Variants in ALDH9A1 observed in about 807,000 individuals in gnomAD.
The protein encoded by ALDH9A1 is aldehyde dehydrogenase 9 family member A1, also known as 4-trimethylaminobutyraldehyde dehydrogenase.
ALDH9A1 carries 42 observed loss-of-function variants against 56.6 expected under a neutral mutation model. The observed-to-expected ratio is 0.74, with a 90% CI of 0.58 to 0.96. The LOEUF is 0.96. Ranked by LOEUF, ALDH9A1 falls within the 40% of genes least tolerant of loss-of-function variation. The pLI is 0.00. For synonymous variants in ALDH9A1, 242 were observed against 236.0 expected (o/e 1.03, Z -0.23); for missense variants, 661 against 651.5 (o/e 1.01, Z -0.16).
chr1:165,678,831 T>C (rs1649451477), intron 6 of ALDH9A1, among the ~76,000 whole-genome samples: 1 of 152,118 alleles, frequency 6.6e-6, no homozygotes, highest in Admixed American at 6.6e-5. Context: ...CTAAGGAACA[T>C]TCTACAAAAT....
intron 6 of ALDH9A1, 106 bp from the exon 7 acceptor site, chr1:165,669,556 A>G (rs1435646653): frequency 2.0e-6 from 2 of 987,552 alleles, no homozygotes; most frequent in Non-Finnish European, 2.8e-6. Context: ...GAGACACTAT[A>G]CATTTTTTAA....
intron 6 of ALDH9A1, among the ~76,000 whole-genome samples, chr1:165,677,350 C>T (rs1051687182): frequency 6.6e-6 from 1 of 152,218 alleles, no homozygotes; most frequent in South Asian, 2.1e-4. Context: ...CAGAGCAGGA[C>T]CCTGTCTCAA....
At chr1:165,678,761 T>C (rs955459800) in intron 6 of ALDH9A1, among the ~76,000 whole-genome samples, 3 of 152,166 alleles carry the variant, frequency 2.0e-5, no homozygotes, top group Admixed American at 6.5e-5. Context: ...ATCATGTTTG[T>C]GGTATTTTTG....
chr1:165,685,291 G>C (rs1374779193), intron 2 of ALDH9A1, among the ~76,000 whole-genome samples: 2 of 152,106 alleles, frequency 1.3e-5, no homozygotes, highest in African/African-American at 4.8e-5. Context: ...CTTTCACTTC[G>C]AACCCCTCAG....
At chr1:165,697,394 C>T (rs550904044) in intron 1 of ALDH9A1, among the ~76,000 whole-genome samples, 6 of 152,262 alleles carry the variant, frequency 3.9e-5, no homozygotes, top group Admixed American at 2.0e-4. Flanking sequence ...TTAGATTGAC[C>T]GTGGTAACCA....
chr1:165,667,172 T>C, intron 9 of ALDH9A1, 137 bp downstream of exon 9: 1 of 1,218,520 alleles, frequency 8.2e-7, no homozygotes, highest in Non-Finnish European at 1.1e-6. Context: ...TCTTCTGACT[T>C]AACCTGAAGC....
Position 165,678,492 on chromosome 1 carries a change from T to A in ALDH9A1, c.930+950A>T, listed in dbSNP as rs75097994. Among the ~76,000 whole-genome samples the A allele has an allele frequency of 8.6e-3, 1,316 of 152,180 alleles. 19 individuals are homozygous for A. Among genetic ancestry groups the A allele is most frequent in the African/African-American group, 0.03 (1,263 of 41,536 alleles). On this transcript the variant is annotated intron_variant, in intron 6 of 10. Transcript: ENST00000354775. ...GTGAAGGGCAAGTTCTTTCTTACAG[T>A]AGAAGGTGAACAAATATAGAAGAAA... is the stretch of plus-strand genomic sequence containing the variant.
intron 9 of ALDH9A1, 157 bp from the exon 10 acceptor site, chr1:165,665,287 T>C (rs1344150427): frequency 4.7e-6 from 3 of 633,092 alleles, no homozygotes; most frequent in African/African-American, 3.7e-5. Context: ...GCAAAACAGA[T>C]ATGGATTGGG....
chr1:165,684,905 G>A (rs111374713), intron 2 of ALDH9A1, among the ~76,000 whole-genome samples: 39 of 152,078 alleles, frequency 2.6e-4, no homozygotes, highest in African/African-American at 9.2e-4. Flanking sequence ...TTTGGGGGCT[G>A]TTTTGGGGTT....
chr1:165,679,047 T>C (rs1649458796), intron 6 of ALDH9A1, among the ~76,000 whole-genome samples: 1 of 152,228 alleles, frequency 6.6e-6, no homozygotes, highest in South Asian at 2.1e-4. Context: ...ATAAGGGCTA[T>C]AGATTGAGTA....
intron 6 of ALDH9A1, among the ~76,000 whole-genome samples, chr1:165,675,913 A>G (rs1649341880): frequency 6.6e-6 from 1 of 152,232 alleles, no homozygotes; most frequent in South Asian, 2.1e-4. Context: ...TGGATTTACA[A>G]ATCTGAAACT....
chr1:165,664,992 TGC>T, intron 10 of ALDH9A1, 24 bp downstream of exon 10: 1 of 1,566,470 alleles, frequency 6.4e-7, no homozygotes, highest in Non-Finnish European at 8.8e-7. Flanking sequence ...AGACCTAGTT[TGC>T]ATTCACACCT....
At chr1:165,691,469 T>G (rs931251107) in intron 2 of ALDH9A1, among the ~76,000 whole-genome samples, 1 of 152,084 alleles carries the variant, frequency 6.6e-6, no homozygotes, top group African/African-American at 2.4e-5. Flanking sequence ...AAAACCAGAG[T>G]GCCTCTTCTC....
At chr1:165,666,010 C>G (rs978212975) in intron 9 of ALDH9A1, among the ~76,000 whole-genome samples, 1 of 152,022 alleles carries the variant, frequency 6.6e-6, no homozygotes, top group African/African-American at 2.4e-5. Context: ...AACCCAAATG[C>G]CTGTAACAGA....
intron 10 of ALDH9A1, among the ~76,000 whole-genome samples, chr1:165,663,816 G>T (rs1648917728): frequency 6.6e-6 from 1 of 152,220 alleles, no homozygotes; most frequent in Non-Finnish European, 1.5e-5. Flanking sequence ...CAAAGGTCCT[G>T]GGAAAACCTC....
At chr1:165,674,346 G>C (rs10918238) in intron 6 of ALDH9A1, among the ~76,000 whole-genome samples, 29,502 of 128,062 alleles carry the variant, frequency 0.23, 4,547 homozygotes, top group East Asian at 0.81. Flanking sequence ...AAAAAAGAAT[G>C]TAAGTTAGTA....
chr1:165,681,962 G>A lies in ALDH9A1; in HGVS notation c.592+145C>T. 3 of 1,098,822 alleles carry A rather than the reference G, an allele frequency of 2.7e-6. No individual in the cohort carries two copies. The East Asian group carries it at 7.4e-5, about 27-fold the overall frequency. The allele number at this position is 1,098,822 out of a possible 1,614,324, so 68.1% of individuals were successfully genotyped here. On this transcript the variant is annotated intron_variant, in intron 4 of 10. Coordinates refer to ENST00000354775, the MANE Select transcript of ALDH9A1 (RefSeq NM_000696.4). The stretch of plus-strand genomic sequence containing the variant: ...GCAAGACAGGGCAGGAACGAGCCAT[G>A]TCCTCTGAGGCTTTGAATATCCCAG...
intron 9 of ALDH9A1, among the ~76,000 whole-genome samples, chr1:165,665,965 T>C (rs1388771540): frequency 2.0e-5 from 3 of 152,100 alleles, no homozygotes; most frequent in Non-Finnish European, 2.9e-5. Context: ...CATATGTTCA[T>C]AGCATCATTA....
intron 1 of ALDH9A1, 169 bp downstream of exon 1, chr1:165,698,209 C>T: frequency 7.3e-7 from 1 of 1,369,506 alleles, no homozygotes; most frequent in Non-Finnish European, 9.4e-7. Flanking sequence ...CCCGGAGGCA[C>T]TCGCGTTGCC....
Sources: gnomAD v4.1 joint callset for allele counts (sites outside exome capture counted in the v4.1 genomes callset) on GRCh38, gnomAD v4.1.1 for gene constraint, MANE v1.5 for transcripts, NCBI Gene and HGNC (gene_info 2026-07-23, HGNC 2026-07-21) for gene names.